Variants in MYH10 observed in about 807,000 individuals in gnomAD.
MYH10 encodes myosin-10.
MYH10 carries 55 observed loss-of-function variants against 257.8 expected under a neutral mutation model. That is an observed-to-expected ratio of 0.21 (90% confidence interval 0.17 to 0.27). The LOEUF is 0.27. MYH10 is among the 10% of genes least tolerant of loss of function. The pLI, the probability that MYH10 is intolerant of heterozygous loss-of-function variation, is 1.00. For synonymous variants in MYH10, 854 were observed against 921.7 expected (o/e 0.93, Z 1.33); for missense variants, 1,631 against 2,500.6 (o/e 0.65, Z 7.42).
At chr17:8,494,563 G>C (rs1161164232) in intron 31 of MYH10, among the ~76,000 whole-genome samples, 1 of 151,818 alleles carries the variant, frequency 6.6e-6, no homozygotes, top group African/African-American at 2.4e-5. Flanking sequence ...TTAATCCCCA[G>C]CACCTAGCCT....
chr17:8,528,135 T>G (rs7225835), intron 17 of MYH10, among the ~76,000 whole-genome samples: 1 of 152,028 alleles, frequency 6.6e-6, no homozygotes, highest in African/African-American at 2.4e-5. Flanking sequence ...CTAGCACACA[T>G]GGAGGTTCAA....
At chr17:8,498,868 A>C (rs1327673812) in intron 30 of MYH10, among the ~76,000 whole-genome samples, 1 of 152,116 alleles carries the variant, frequency 6.6e-6, no homozygotes, top group Non-Finnish European at 1.5e-5. Context: ...AAAAACAAAA[A>C]AAAAGGTTGC....
chr17:8,530,527 CGCCCTCCCCGGCCACCCTGCCAGT>C, intron 17 of MYH10, 72 bp downstream of exon 17: 1 of 495,008 alleles, frequency 2.0e-6, no homozygotes. Context: ...AGTCTACCCC[CGCCCTCCCCGGCCACCCTGCCAGT>C]CCCCCCACAC....
chr17:8,535,709 T>C lies in MYH10; in HGVS notation c.1779+49A>G. On this transcript the variant is annotated intron_variant, in intron 15 of 42. Transcript: ENST00000360416. The surrounding 1 kb of genome is among the most constrained non-coding windows in gnomAD (Gnocchi z 4.3). ...ACACCTTCATAAAAATGTAGCAAAA[T>C]TTCAAACACAGCCATTTTAATCCAG... 1 of 1,569,942 alleles carries C rather than the reference T, an allele frequency of 6.4e-7. No individual in the cohort carries two copies. The highest frequency in any genetic ancestry group is 8.7e-7 in the Non-Finnish European group (1 of 1,151,540).
chr17:8,614,050 C>T (rs570090842), intron 2 of MYH10, among the ~76,000 whole-genome samples: 1 of 152,178 alleles, frequency 6.6e-6, no homozygotes, highest in African/African-American at 2.4e-5. Context: ...TCAGCATGTA[C>T]ACAGCAAAAA....
chr17:8,482,938 A>G (rs1432189786), intron 37 of MYH10, among the ~76,000 whole-genome samples: 4 of 152,236 alleles, frequency 2.6e-5, no homozygotes, highest in Non-Finnish European at 5.9e-5. Flanking sequence ...CATCTACTTC[A>G]TTGATGAACA....
At chr17:8,494,177 C>T (rs902901566) in intron 31 of MYH10, among the ~76,000 whole-genome samples, 4 of 152,128 alleles carry the variant, frequency 2.6e-5, no homozygotes, top group Non-Finnish European at 5.9e-5. Context: ...CGTCCCCCAC[C>T]ACACCCCGCC....
intron 1 of MYH10, among the ~76,000 whole-genome samples, chr17:8,626,260 T>C (rs897862083): frequency 4.6e-5 from 7 of 152,102 alleles, no homozygotes; most frequent in Admixed American, 3.3e-4. Context: ...AACTTAAACG[T>C]TGCACACTGG....
At chr17:8,591,884 T>G (rs537391416) in intron 3 of MYH10, among the ~76,000 whole-genome samples, 3 of 152,178 alleles carry the variant, frequency 2.0e-5, no homozygotes, top group Non-Finnish European at 4.4e-5. Flanking sequence ...ACACAGGGGA[T>G]AGGCTTGCCA....
At chr17:8,483,666 G>A (rs1336685914) in intron 37 of MYH10, among the ~76,000 whole-genome samples, 1 of 152,166 alleles carries the variant, frequency 6.6e-6, no homozygotes, top group African/African-American at 2.4e-5. Flanking sequence ...CACTTTATCA[G>A]TCTCTGCTTC....
chr17:8,490,470 TC>T lies in MYH10; in HGVS notation c.4753del (p.Glu1585AsnfsTer19). 1 of 1,614,252 alleles carries T rather than the reference TC, an allele frequency of 6.2e-7. No individual in the cohort carries two copies. The highest frequency in any genetic ancestry group is 8.5e-7 in the Non-Finnish European group (1 of 1,180,038). On this transcript the variant is annotated frameshift_variant, in exon 35 of 43. Coordinates refer to ENST00000360416, the MANE Select transcript of MYH10 (RefSeq NM_001256012.3). LOFTEE classifies it high-confidence loss of function. The surrounding 1 kb of genome is among the most constrained non-coding windows in gnomAD (Gnocchi z 4.1). The stretch of plus-strand genomic sequence containing the variant: ...CTTGGCATCTTCCGTGGCCTGGAGT[TC>T]GTCTTCCAGCTCCTCCAGCTGGGTC... ...MRTQLEELED[E>X]LQATEDAKLR...
Position 8,484,198 on chromosome 17 carries a change from T to C in MYH10, c.5115A>G (p.Gln1705=), listed in dbSNP as rs757116775. The change falls in exon 37 of 43, where the codon CAA becomes CAG. Residue 1705 remains glutamine (Q), a synonymous_variant. Coordinates refer to ENST00000360416, the MANE Select transcript of MYH10 (RefSeq NM_001256012.3). ...ARASRDEIFA[Q]SKESEKKLKS... is the part of the protein sequence containing the mutation. ...TCAATTTCTTTTCACTCTCTTTGGATTGAGCAAAAATCTCATCTCTGGATG... is the reference window on the plus strand; with the variant it reads ...TCAATTTCTTTTCACTCTCTTTGGACTGAGCAAAAATCTCATCTCTGGATG... 1.4e-4 allele frequency: 223 copies of C among 1,612,568 alleles called. 5 individuals are homozygous for C. In the South Asian group the frequency reaches 2.3e-3, roughly 17 times the overall value.
At chr17:8,489,745 A>ACACACACACACACACACACACCCC (rs1258993754) in intron 35 of MYH10, among the ~76,000 whole-genome samples, 1 of 150,700 alleles carries the variant, frequency 6.6e-6, no homozygotes, top group East Asian at 1.9e-4. Context: ...ACACACACAC[A>ACACACACACACACACACACACCCC]CCCCAAATCC....
chr17:8,568,989 C>T (rs925288368), intron 7 of MYH10, among the ~76,000 whole-genome samples: 1 of 149,740 alleles, frequency 6.7e-6, no homozygotes, highest in African/African-American at 2.5e-5. Context: ...AGGCTTCCAG[C>T]GATCCTCTTG....
chr17:8,476,897 C>T lies in MYH10; in HGVS notation c.5858G>A (p.Ser1953Asn). ...EANEGLSREV[S>N]TLKNRLRRGG... ...TCACCTCAGCCGGTTCTTCAGGGTG[C>T]TGACCTCGCGGCTCAGGCCCTCGTT... The change falls in exon 42 of 43, where the codon AGC becomes AAC. Residue 1953 changes from serine to asparagine, a missense_variant. This residue lies in a region of MYH10 where 343 missense variants were observed against 389.5 expected (regional missense o/e 0.88). Transcript: ENST00000360416. 6.2e-7 allele frequency: 1 copy of T among 1,610,886 alleles called. No homozygotes were observed. Among genetic ancestry groups the T allele is most frequent in the African/African-American group, 1.3e-5 (1 of 75,056 alleles).
At chr17:8,539,700 G>A (rs1034834459) in intron 14 of MYH10, among the ~76,000 whole-genome samples, 9 of 151,956 alleles carry the variant, frequency 5.9e-5, no homozygotes, top group Non-Finnish European at 1.2e-4. Context: ...GGATCCTCCC[G>A]CCTCAGCCTC....
chr17:8,489,706 AAAACACACACACACAC>A lies in MYH10; in HGVS notation c.4884+618_4884+633del, dbSNP rs1333405180. Among the ~76,000 whole-genome samples, 370 of 112,902 alleles carry A rather than the reference AAAACACACACACACAC, an allele frequency of 3.3e-3. 5 individuals are homozygous for A. The highest frequency in any genetic ancestry group is 0.015 in the African/African-American group (344 of 22,562). 74.1% of individuals were successfully genotyped at this position (112,902 alleles called of 152,430 possible). On this transcript the variant is annotated intron_variant, in intron 35 of 42. Coordinates refer to ENST00000360416, the MANE Select transcript of MYH10 (RefSeq NM_001256012.3). The stretch of plus-strand genomic sequence containing the variant: ...GTGACAGAGCGAGACTCCGTCTGAA[AAAACACACACACACAC>A]ACACACACACACACACACACACACC...
rs146795940 is a variant in MYH10, at chr17:8,501,839, G to A, written c.3600-869C>T. On this transcript the variant is annotated intron_variant, in intron 28 of 42. Coordinates refer to ENST00000360416, the MANE Select transcript of MYH10 (RefSeq NM_001256012.3). Reference sequence around the variant, plus strand: ...ACATTAGCATTAAATATCTTTCCATGGCTTTCTAATATTTTTAAAATTGGC... The same window carrying A: ...ACATTAGCATTAAATATCTTTCCATAGCTTTCTAATATTTTTAAAATTGGC... Among the ~76,000 whole-genome samples, 36 of 152,216 alleles carry A rather than the reference G, an allele frequency of 2.4e-4. No homozygotes were observed. In the East Asian group the frequency reaches 6.6e-3, roughly 28 times the overall value.
In MYH10 at chr17:8,506,442, T is replaced by A. The variant is rs1316376025; in HGVS notation, c.3262A>T (p.Lys1088Ter). The change falls in exon 27 of 43, where the codon AAA becomes TAA. Residue 1088 changes from lysine to a stop codon, truncating the protein, a stop_gained. Transcript: ENST00000360416. LOFTEE classifies it high-confidence loss of function. The surrounding 1 kb of genome is among the most constrained non-coding windows in gnomAD (Gnocchi z 5.0). ...EKTRQELEKA[K>*]RKLDGETTDL... The stretch of plus-strand genomic sequence containing the variant: ...GTCGTCTCCCCGTCGAGTTTTCTTT[T>A]GGCCTTTTCCAGTTCCTGACGAGTC... 1 of 1,612,948 alleles carries A rather than the reference T, an allele frequency of 6.2e-7. No individual in the cohort carries two copies.
Sources: allele counts gnomAD v4.1 joint callset (sites outside exome capture counted in the v4.1 genomes callset), GRCh38; gene constraint gnomAD v4.1.1; regional missense constraint gnomAD v4.1.1; non-coding constraint Gnocchi (gnomAD v3.1); transcripts MANE v1.5; gene names NCBI Gene and HGNC (gene_info 2026-07-23, HGNC 2026-07-21).